CAMK4: variants seen among roughly 807,000 people sequenced by gnomAD.
The protein encoded by CAMK4 is calcium/calmodulin dependent protein kinase IV.
CAMK4 carries 22 observed loss-of-function variants against 44.9 expected under a neutral mutation model. The ratio of observed to expected loss-of-function variants is 0.49; its 90% CI spans 0.35 to 0.70. The LOEUF (loss-of-function observed/expected upper bound fraction) is 0.70. CAMK4 is among the 30% of genes least tolerant of loss of function. The pLI, the probability that CAMK4 is intolerant of heterozygous loss-of-function variation, is 0.01. For missense variants in CAMK4, 498 were observed against 586.8 expected, an observed-to-expected ratio of 0.85 and a Z score of 1.56; for synonymous variants, 218 against 215.4, an observed-to-expected ratio of 1.01 and a Z score of -0.11.
intron 1 of CAMK4, among the ~76,000 whole-genome samples, chr5:111,235,773 C>G (rs1180871864): frequency 6.6e-6 from 1 of 152,180 alleles, no homozygotes; most frequent in East Asian, 1.9e-4. Context: ...AAGGATCTGG[C>G]TTGGGCCAGG....
chr5:111,356,472 T>A (rs1750360341), intron 2 of CAMK4, among the ~76,000 whole-genome samples: 1 of 152,260 alleles, frequency 6.6e-6, no homozygotes, highest in African/African-American at 2.4e-5. Flanking sequence ...ACTTTGATGG[T>A]AGTTTCTTTT....
chr5:111,384,308 G>A (rs957004101), intron 4 of CAMK4, among the ~76,000 whole-genome samples: 2 of 152,110 alleles, frequency 1.3e-5, no homozygotes, highest in African/African-American at 2.4e-5. Context: ...GTTTTGGACA[G>A]CGTCTCTTTT....
At chr5:111,428,838 C>G (rs575625783) in intron 5 of CAMK4, among the ~76,000 whole-genome samples, 4 of 152,008 alleles carry the variant, frequency 2.6e-5, no homozygotes, top group Admixed American at 6.6e-5. Flanking sequence ...TATCAATATC[C>G]AAGTACAAGG....
chr5:111,457,558 C>G (rs185558368), intron 7 of CAMK4, among the ~76,000 whole-genome samples: 15 of 152,268 alleles, frequency 9.9e-5, no homozygotes, highest in Admixed American at 2.0e-4. Flanking sequence ...ATTCACTATG[C>G]CAAAATTTAA....
At chr5:111,239,180 A>G (rs944193057) in intron 1 of CAMK4, among the ~76,000 whole-genome samples, 1 of 152,122 alleles carries the variant, frequency 6.6e-6, no homozygotes, top group Non-Finnish European at 1.5e-5. Flanking sequence ...CAGGACTAGG[A>G]ACCCAGTATT....
rs571417803 is a variant in CAMK4 at position 111,342,377 on chromosome 5, A to T, written c.162-1647A>T. On this transcript the variant is annotated intron_variant, in intron 1 of 10. Coordinates refer to ENST00000282356, the MANE Select transcript of CAMK4 (RefSeq NM_001744.6). ...GCCTTCGTAATTAATGTCCCCCTTT[A>T]TCCTTTTGCTAAAATTTACTTAGTC... is the stretch of plus-strand genomic sequence containing the variant. 3.2e-4 allele frequency among the ~76,000 whole-genome samples: 49 copies of T among 151,438 alleles called. 1 individual carries two copies. The highest frequency in any genetic ancestry group is 1.2e-3 in the Admixed American group (18 of 15,164).
At chr5:111,239,367 T>TA (rs1277350086) in intron 1 of CAMK4, among the ~76,000 whole-genome samples, 1 of 152,216 alleles carries the variant, frequency 6.6e-6, no homozygotes, top group Non-Finnish European at 1.5e-5. Context: ...CTCTGGCTGT[T>TA]ATTGTCAGTT....
chr5:111,227,605 A>T (rs1233293206), intron 1 of CAMK4, among the ~76,000 whole-genome samples: 2 of 152,016 alleles, frequency 1.3e-5, no homozygotes, highest in Non-Finnish European at 2.9e-5. Context: ...GGGGAGCTAA[A>T]CTCCCAAGGC....
intron 1 of CAMK4, among the ~76,000 whole-genome samples, chr5:111,246,249 A>G (rs964311860): frequency 6.6e-6 from 1 of 152,152 alleles, no homozygotes. Context: ...CATTTAACAC[A>G]CTTTTTCTTT....
chr5:111,440,541 A>G (rs1468432387), intron 5 of CAMK4, among the ~76,000 whole-genome samples: 1 of 152,198 alleles, frequency 6.6e-6, no homozygotes, highest in Non-Finnish European at 1.5e-5. Context: ...TCAAGAGTGA[A>G]GAAAGACATA....
At chr5:111,340,958 G>T (rs1749616907) in intron 1 of CAMK4, among the ~76,000 whole-genome samples, 1 of 150,728 alleles carries the variant, frequency 6.6e-6, no homozygotes, top group Non-Finnish European at 1.5e-5. Flanking sequence ...TATGTATCTA[G>T]GAATTTATTC....
rs577644678 is a variant in CAMK4, at chr5:111,493,563, A to C, written c.*9097A>C. 1 of 152,204 alleles carries C rather than the reference A, an allele frequency of 6.6e-6. No homozygotes were observed. Among genetic ancestry groups the C allele is most frequent in the Non-Finnish European group, 1.5e-5 (1 of 68,030 alleles). The allele number at this position is 152,204 out of a possible 1,614,324, so 9.4% of individuals were successfully genotyped here. A position where few individuals can be genotyped will look rare whatever the true frequency, so the allele number is the denominator to read the frequency against. ...CTGATTGAATTCTACCTGAAAGTTT[A>C]GATTTTAAAAGACAACCTGTAGGAA... On this transcript the variant is annotated 3_prime_UTR_variant, in exon 11 of 11. Coordinates refer to ENST00000282356, the MANE Select transcript of CAMK4 (RefSeq NM_001744.6). This position sits in a 1 kb window ranked among gnomAD's most constrained non-coding sequence, Gnocchi z 4.1.
intron 2 of CAMK4, among the ~76,000 whole-genome samples, chr5:111,368,642 T>G (rs1446718588): frequency 6.6e-6 from 1 of 152,168 alleles, no homozygotes; most frequent in African/African-American, 2.4e-5. Context: ...CCTTGGCTTC[T>G]TAGCTATATA....
At chr5:111,340,698 G>A (rs1259763804) in intron 1 of CAMK4, among the ~76,000 whole-genome samples, 6 of 151,092 alleles carry the variant, frequency 4.0e-5, no homozygotes. Context: ...TTTGATATCA[G>A]GGTAATGGTG....
chr5:111,380,475 T>G (rs1202964109), intron 4 of CAMK4, among the ~76,000 whole-genome samples: 2 of 152,164 alleles, frequency 1.3e-5, no homozygotes, highest in Non-Finnish European at 2.9e-5. Flanking sequence ...TAATATCCAC[T>G]AATCCATTAG....
Position 111,279,301 on chromosome 5 carries a change from T to C in CAMK4, c.161+54657T>C, listed in dbSNP as rs367838973. Among the ~76,000 whole-genome samples the C allele has an allele frequency of 1.2e-4, 19 of 152,256 alleles. No individual in the cohort carries two copies. In the East Asian group the frequency reaches 3.1e-3, roughly 25 times the overall value. On this transcript the variant is annotated intron_variant, in intron 1 of 10. Coordinates refer to ENST00000282356, the MANE Select transcript of CAMK4 (RefSeq NM_001744.6). ...TTCCGGCCCTGTGACTGTAGTTCAATTTGAGAAACCCTGACTGAGCTATTT... is the reference window on the plus strand; with the variant it reads ...TTCCGGCCCTGTGACTGTAGTTCAACTTGAGAAACCCTGACTGAGCTATTT...
At chr5:111,418,711 T>C (rs917314181) in intron 5 of CAMK4, among the ~76,000 whole-genome samples, 1 of 151,948 alleles carries the variant, frequency 6.6e-6, no homozygotes, top group African/African-American at 2.4e-5. Flanking sequence ...TTTGTCCTTG[T>C]GATAGTTTAC....
rs1226578359 is a variant in CAMK4 at position 111,329,694 on chromosome 5, A to G, written c.162-14330A>G. On this transcript the variant is annotated intron_variant, in intron 1 of 10. Transcript: ENST00000282356. ...TTAACATTAGCTGCTTGATTAGTGG[A>G]AGTAGCCACATTTAGATATTAATGA... Among the ~76,000 whole-genome samples, 6 of 151,918 alleles carry G rather than the reference A, an allele frequency of 3.9e-5. No homozygotes were observed. The East Asian group carries it at 9.7e-4, about 25-fold the overall frequency.
chr5:111,405,245 G>A (rs1006434898), intron 5 of CAMK4, among the ~76,000 whole-genome samples: 7 of 152,138 alleles, frequency 4.6e-5, no homozygotes, highest in Non-Finnish European at 1.0e-4. Flanking sequence ...CAAGGCGGGC[G>A]GATCACAAGG....
Sources: allele counts gnomAD v4.1 joint callset (sites outside exome capture counted in the v4.1 genomes callset), GRCh38; gene constraint gnomAD v4.1.1; non-coding constraint Gnocchi (gnomAD v3.1); transcripts MANE v1.5; gene names NCBI Gene and HGNC (gene_info 2026-07-23, HGNC 2026-07-21).